Variants in SLC12A3 observed in about 807,000 individuals in gnomAD.
SLC12A3 encodes solute carrier family 12 member 3.
SLC12A3 carries 104 observed loss-of-function variants against 121.0 expected under a neutral mutation model. That is an observed-to-expected ratio of 0.86 (90% CI 0.73 to 1.01). The LOEUF is 1.01. Among genes scored for constraint, SLC12A3 ranks in the 50% least tolerant of loss-of-function variants. The pLI is 0.00. For missense variants in SLC12A3, 1,328 were observed against 1,356.3 expected (o/e 0.98, Z 0.33); for synonymous variants, 536 against 533.4 (o/e 1.00, Z -0.07).
chr16:56,868,506 C>T (rs988402233), intron 3 of SLC12A3, 134 bp downstream of exon 3: 3 of 860,340 alleles, frequency 3.5e-6, no homozygotes, highest in Non-Finnish European at 5.6e-6. Context: ...ACGGCCAGGC[C>T]TTCTCCTCCC....
chr16:56,886,298 C>A, intron 15 of SLC12A3, 66 bp from the exon 16 acceptor site: 1 of 1,239,456 alleles, frequency 8.1e-7, no homozygotes, highest in Non-Finnish European at 1.2e-6. Flanking sequence ...TGGGAGGTGC[C>A]TTTCGCACCC....
Position 56,882,271 on chromosome 16 carries a change from A to ACCC in SLC12A3, c.1568-125_1568-124insCCC, listed in dbSNP as rs1250052733. Reference sequence around the variant, plus strand: ...GAGGTGGACCCATTTCACAGATGAGAAGGTTGAGACTGACTGAGCCTTGGT... The same window carrying ACCC: ...GAGGTGGACCCATTTCACAGATGAGACCCAGGTTGAGACTGACTGAGCCTTGGT... On this transcript the variant is annotated intron_variant, in intron 12 of 25. Transcript: ENST00000563236. The ACCC allele has an allele frequency of 5.2e-6, 4 of 775,638 alleles. No homozygotes were observed. The East Asian group carries it at 1.0e-4, about 19-fold the overall frequency. 48.0% of individuals were successfully genotyped at this position (775,638 alleles called of 1,614,324 possible). A position where few individuals can be genotyped will look rare whatever the true frequency, so the allele number is the denominator to read the frequency against.
At chr16:56,891,732 G>A (rs1239761546) in intron 19 of SLC12A3, among the ~76,000 whole-genome samples, 1 of 152,192 alleles carries the variant, frequency 6.6e-6, no homozygotes, top group Admixed American at 6.5e-5. Flanking sequence ...GGAGAAAACG[G>A]GTGCAGGGCG....
chr16:56,868,928 C>T (rs772499801), intron 3 of SLC12A3, among the ~76,000 whole-genome samples: 14 of 151,814 alleles, frequency 9.2e-5, no homozygotes, highest in Admixed American at 3.3e-4. Context: ...GCCGAGATCA[C>T]GCCACTGCAT....
intron 23 of SLC12A3, 70 bp downstream of exon 23, chr16:56,899,686 C>A (rs2144760287): frequency 2.7e-6 from 3 of 1,100,020 alleles, no homozygotes; most frequent in East Asian, 4.7e-5. Flanking sequence ...TGCCGGCTGC[C>A]CCCTTTTTCC....
rs772518189 is a variant in SLC12A3, at chr16:56,868,281, C to G, written c.430-16C>G. On this transcript the variant is annotated splice_polypyrimidine_tract_variant and intron_variant, in intron 2 of 25. Transcript: ENST00000563236. ...GGTGTCCACCCAGGTGGCCTCTGAC[C>G]CCCCTGTCCTCCCAGATTCGTTGCA... 1 of 1,613,564 alleles carries G rather than the reference C, an allele frequency of 6.2e-7. No individual in the cohort carries two copies. Among genetic ancestry groups the G allele is most frequent in the East Asian group, 2.2e-5 (1 of 44,860 alleles).
intron 21 of SLC12A3, 130 bp downstream of exon 21, chr16:56,893,184 A>T: frequency 1.4e-6 from 1 of 714,640 alleles, no homozygotes; most frequent in Non-Finnish European, 2.4e-6. Flanking sequence ...AGCTCAGGGG[A>T]GCCCAGAGGG....
intron 23 of SLC12A3, 98 bp from the exon 24 acceptor site, chr16:56,902,275 G>A (rs1270464431): frequency 1.4e-6 from 2 of 1,479,402 alleles, no homozygotes; most frequent in Non-Finnish European, 1.9e-6. Context: ...CCTGAAAATG[G>A]GAGCTGTGGC....
chr16:56,874,202 T>C (rs550692828), intron 8 of SLC12A3, among the ~76,000 whole-genome samples: 107 of 152,294 alleles, frequency 7.0e-4, no homozygotes, highest in Non-Finnish European at 1.3e-3. Context: ...GCTCTGTACA[T>C]GTTTGTTGAC....
chr16:56,909,525 A>G (rs541232965), intron 25 of SLC12A3, among the ~76,000 whole-genome samples: 1 of 151,894 alleles, frequency 6.6e-6, no homozygotes, highest in East Asian at 1.9e-4. Flanking sequence ...GACCCAAGAG[A>G]AGACCCCTGC....
intron 19 of SLC12A3, 27 bp downstream of exon 19, chr16:56,890,383 G>A: frequency 6.3e-7 from 1 of 1,591,622 alleles, no homozygotes; most frequent in Non-Finnish European, 8.6e-7. Context: ...CCCACTCCCA[G>A]AAAGTTCTAG....
In SLC12A3 at chr16:56,870,737, G is replaced by A. The variant is rs2055084531; in HGVS notation, c.852+1G>A. 1.2e-6 allele frequency: 2 copies of A among 1,600,086 alleles called. No individual in the cohort carries two copies. On this transcript the variant is annotated splice_donor_variant, in intron 6 of 25. Coordinates refer to ENST00000563236, the MANE Select transcript of SLC12A3 (RefSeq NM_001126108.2). LOFTEE classifies it high-confidence loss of function. ...GGCTGGCATGGAGTGGGAGTCCAAG[G>A]TGAGGAGGCCATGGAGGAGGGGGAC...
In SLC12A3 at chr16:56,886,532, C is replaced by T; in HGVS notation, c.2037+57C>T. The T allele has an allele frequency of 2.7e-6, 4 of 1,467,280 alleles. No individual in the cohort carries two copies. The East Asian group carries it at 9.0e-5, about 33-fold the overall frequency. 90.9% of individuals were successfully genotyped at this position (1,467,280 alleles called of 1,614,324 possible). The stretch of plus-strand genomic sequence containing the variant: ...AGGCATGGTGGCTCATGCCTGTAAA[C>T]CCAGCACTCTGGGGAGCCAAGACAG... On this transcript the variant is annotated intron_variant, in intron 16 of 25. Transcript: ENST00000563236.
At chr16:56,885,734 G>T (rs1209642786) in intron 15 of SLC12A3, among the ~76,000 whole-genome samples, 1 of 152,130 alleles carries the variant, frequency 6.6e-6, no homozygotes, top group Non-Finnish European at 1.5e-5. Context: ...TTATGCACCT[G>T]CCATCCTCTT....
At chr16:56,906,561 A>AC (rs2055610728) in intron 25 of SLC12A3, 3 of 247,324 alleles carry the variant, frequency 1.2e-5, no homozygotes, top group African/African-American at 2.3e-5. Flanking sequence ...TATCCAAACT[A>AC]GGAAGGTCGT....
At chr16:56,888,885 CT>C (rs1198626070) in intron 18 of SLC12A3, among the ~76,000 whole-genome samples, 2 of 152,094 alleles carry the variant, frequency 1.3e-5, no homozygotes, top group Admixed American at 1.3e-4. Flanking sequence ...TTCAGAGTAA[CT>C]GCAAATGTGA....
intron 1 of SLC12A3, among the ~76,000 whole-genome samples, chr16:56,866,683 T>G (rs1964363512): frequency 6.6e-6 from 1 of 152,210 alleles, no homozygotes; most frequent in African/African-American, 2.4e-5. Context: ...CTTGGATCAC[T>G]GCAACCTCCA....
chr16:56,881,803 C>G (rs2055243482), intron 12 of SLC12A3, among the ~76,000 whole-genome samples: 1 of 152,020 alleles, frequency 6.6e-6, no homozygotes, highest in Non-Finnish European at 1.5e-5. Context: ...AATCCCAGCA[C>G]TTTAGGAGGC....
At chr16:56,893,093 G>C (rs1033330820) in intron 21 of SLC12A3, 39 bp downstream of exon 21, 3 of 1,543,420 alleles carry the variant, frequency 1.9e-6, no homozygotes. Context: ...TGCCCGGCGG[G>C]GGCGGGGTGG....
Sources: allele counts gnomAD v4.1 joint callset (sites outside exome capture counted in the v4.1 genomes callset), GRCh38; gene constraint gnomAD v4.1.1; transcripts MANE v1.5; gene names NCBI Gene and HGNC (gene_info 2026-07-23, HGNC 2026-07-21).